The following CLEC17A variants were observed in gnomAD, a reference collection of about 807,000 sequenced individuals.
CLEC17A encodes C-type lectin domain family 17, member A.
CLEC17A carries 37 observed loss-of-function variants against 61.3 expected under a neutral mutation model. The ratio of observed to expected loss-of-function variants is 0.60; its 90% CI spans 0.46 to 0.79. The LOEUF (loss-of-function observed/expected upper bound fraction) is 0.79, where lower values mean the gene tolerates loss of function less well. CLEC17A is among the 30% of genes least tolerant of loss of function. The pLI is 0.00. For missense variants in CLEC17A, 418 were observed against 464.7 expected (o/e 0.90, Z 0.92); for synonymous variants, 168 against 164.9 (o/e 1.02, Z -0.14).
upstream of CLEC17A, chr19:14,582,970 T>G: frequency 1.7e-6 from 1 of 589,712 alleles, no homozygotes; most frequent in Non-Finnish European, 3.0e-6. Context: ...TGTGTATGTG[T>G]GTGTGTGTGT....
chr19:14,596,756 T>G, intron 8 of CLEC17A, 120 bp from the exon 9 acceptor site: 1 of 1,201,430 alleles, frequency 8.3e-7, no homozygotes, highest in Non-Finnish European at 1.1e-6. Flanking sequence ...TGACTTCATC[T>G]GCTGAAACAG....
intron 4 of CLEC17A, among the ~76,000 whole-genome samples, chr19:14,592,810 G>A (rs992300568): frequency 1.3e-5 from 2 of 151,980 alleles, no homozygotes; most frequent in African/African-American, 2.4e-5. Flanking sequence ...GATTGCAGGC[G>A]CCTGCTACCA....
chr19:14,583,181 C>T lies in CLEC17A; in HGVS notation c.21C>T (p.Ile7=). MHNLYS[I]TGYPDPPGTM... is the part of the protein sequence containing the mutation. ...TAGACATGCATAATCTGTATTCCATCACTGGGTACCCGGACCCACCAGGTA... is the reference window on the plus strand; with the variant it reads ...TAGACATGCATAATCTGTATTCCATTACTGGGTACCCGGACCCACCAGGTA... Residue 7 remains isoleucine, a synonymous_variant, in exon 1 of 14, where the codon ATC becomes ATT. Transcript: ENST00000417570. 1 of 1,613,994 alleles carries T rather than the reference C, an allele frequency of 6.2e-7. No individual in the cohort carries two copies. The highest frequency in any genetic ancestry group is 8.5e-7 in the Non-Finnish European group (1 of 1,179,888).
rs147479701 is a variant in CLEC17A at position 14,598,024 on chromosome 19, A to G, written c.646+863A>G. ...AATCTTTTGACCTGGGTTGGCCTTC[A>G]TCATGACTGCCAAAGTCTGAATATT... On this transcript the variant is annotated intron_variant, in intron 10 of 13. Coordinates refer to ENST00000417570, the MANE Select transcript of CLEC17A (RefSeq NM_001204118.2). Among the ~76,000 whole-genome samples, 230 of 152,338 alleles carry G rather than the reference A, an allele frequency of 1.5e-3. 4 individuals are homozygous for G. In the East Asian group the frequency reaches 0.037, roughly 24 times the overall value.
At chr19:14,601,020 A>G (rs951369758) in intron 12 of CLEC17A, among the ~76,000 whole-genome samples, 1 of 146,758 alleles carries the variant, frequency 6.8e-6, no homozygotes, top group Non-Finnish European at 1.5e-5. Flanking sequence ...CTAGTGCCTC[A>G]GTCTCCCGAG....
chr19:14,600,593 T>A (rs1474603475), intron 12 of CLEC17A, among the ~76,000 whole-genome samples: 1 of 151,986 alleles, frequency 6.6e-6, no homozygotes, highest in East Asian at 1.9e-4. Flanking sequence ...TTTTCTTTTT[T>A]TTTTTTGAGA....
Position 14,611,161 on chromosome 19 carries a change from C to T in CLEC17A, c.*965C>T, listed in dbSNP as rs1244494664. The T allele has an allele frequency of 6.6e-6, 1 of 151,990 alleles. No homozygotes were observed. The highest frequency in any genetic ancestry group is 1.5e-5 in the Non-Finnish European group (1 of 68,040). The allele number at this position is 151,990 out of a possible 1,614,324, so 9.4% of individuals were successfully genotyped here. On this transcript the variant is annotated 3_prime_UTR_variant, in exon 14 of 14. Coordinates refer to ENST00000417570, the MANE Select transcript of CLEC17A (RefSeq NM_001204118.2). ...TTACAAACCTAAAAATACAGAACAT[C>T]AGCGGAGAAGACAGGAGAGCTTCTA...
rs900874209 is a variant in CLEC17A, at chr19:14,599,719, A to G, written c.649A>G (p.Thr217Ala). 3 of 1,613,138 alleles carry G rather than the reference A, an allele frequency of 1.9e-6. No homozygotes were observed. Among genetic ancestry groups the G allele is most frequent in the Admixed American group, 1.7e-5 (1 of 59,978 alleles). Residue 217 changes from threonine (T) to alanine (A), a missense_variant and splice_region_variant, in exon 11 of 14, where the codon ACT (threonine) becomes GCT (alanine). Transcript: ENST00000417570. ...CTCAAGCCCATCCCTTCTGACAGTGACTGGCATGGCAGGGCTAGCTGGCCT... is the reference window on the plus strand; with the variant it reads ...CTCAAGCCCATCCCTTCTGACAGTGGCTGGCATGGCAGGGCTAGCTGGCCT... ...FQQMTWRTNMTGMAGLAGLKH... is the reference protein window; with the variant it reads ...FQQMTWRTNMAGMAGLAGLKH...
At chr19:14,597,605 G>C (rs1197941190) in intron 10 of CLEC17A, among the ~76,000 whole-genome samples, 1 of 152,110 alleles carries the variant, frequency 6.6e-6, no homozygotes, top group Non-Finnish European at 1.5e-5. Context: ...GTGGTGTGTG[G>C]TGTGTGCTTG....
intron 8 of CLEC17A, among the ~76,000 whole-genome samples, chr19:14,596,671 A>T (rs986680454): frequency 4.6e-5 from 7 of 152,076 alleles, no homozygotes; most frequent in Non-Finnish European, 8.8e-5. Flanking sequence ...ATGCAACATG[A>T]TGCTTAGCGC....
chr19:14,592,975 T>G (rs778097431), intron 4 of CLEC17A, among the ~76,000 whole-genome samples: 4 of 152,018 alleles, frequency 2.6e-5, no homozygotes, highest in Non-Finnish European at 5.9e-5. Flanking sequence ...CGAGCAGACA[T>G]TTCTTAAGTA....
intron 3 of CLEC17A, 92 bp from the exon 4 acceptor site, chr19:14,592,189 C>T: frequency 7.3e-7 from 1 of 1,361,726 alleles, no homozygotes; most frequent in Non-Finnish European, 1.0e-6. Flanking sequence ...GGTACAGAAT[C>T]CCCATCATGG....
intron 10 of CLEC17A, among the ~76,000 whole-genome samples, chr19:14,598,951 A>T (rs2074629139): frequency 6.8e-6 from 1 of 146,198 alleles, no homozygotes; most frequent in Non-Finnish European, 1.6e-5. Context: ...GACTGTGTCT[A>T]AAAAAAATAA....
chr19:14,597,965 G>A (rs2074589638), intron 10 of CLEC17A, among the ~76,000 whole-genome samples: 1 of 152,138 alleles, frequency 6.6e-6, no homozygotes. Context: ...AGTTCGTGGG[G>A]GAGTAGTGAT....
upstream of CLEC17A, chr19:14,582,963 G>GTC: frequency 1.9e-6 from 1 of 536,964 alleles, no homozygotes. Flanking sequence ...GGCTCTGTGT[G>GTC]TATGTGTGTG....
At chr19:14,587,786 C>T in intron 3 of CLEC17A, 95 bp downstream of exon 3, 1 of 1,569,766 alleles carries the variant, frequency 6.4e-7, no homozygotes, top group Non-Finnish European at 8.6e-7. Context: ...AGTCAGTCTC[C>T]TCTCTACACA....
Position 14,587,662 on chromosome 19 carries a change from C to T in CLEC17A, c.170C>T (p.Pro57Leu), listed in dbSNP as rs1349072069. 2 of 1,602,692 alleles carry T rather than the reference C, an allele frequency of 1.2e-6. No homozygotes were observed. The highest frequency in any genetic ancestry group is 1.7e-6 in the Non-Finnish European group (2 of 1,174,732). Residue 57 changes from proline to leucine, a missense_variant, in exon 3 of 14, where the codon CCT becomes CTT. Coordinates refer to ENST00000417570, the MANE Select transcript of CLEC17A (RefSeq NM_001204118.2). ...GATGATGACTATGAGAACTCAACACCTCCCTACAAGGACCTTCCTCCCAAG... is the reference window on the plus strand; with the variant it reads ...GATGATGACTATGAGAACTCAACACTTCCCTACAAGGACCTTCCTCCCAAG... ...EEDDDYENST[P>L]PYKDLPPKPG...
At chr19:14,592,440 C>T (rs2074443525) in intron 4 of CLEC17A, 82 bp downstream of exon 4, 3 of 1,581,542 alleles carry the variant, frequency 1.9e-6, no homozygotes, top group Admixed American at 3.7e-5. Context: ...ATTGTAGACA[C>T]ACAGTCAGTC....
intron 12 of CLEC17A, among the ~76,000 whole-genome samples, chr19:14,601,279 A>G (rs1201561874): frequency 6.6e-6 from 1 of 152,110 alleles, no homozygotes. Context: ...GAAATCATAC[A>G]TTGACTGTCA....
Sources: gnomAD v4.1 joint callset for allele counts (sites outside exome capture counted in the v4.1 genomes callset) on GRCh38, gnomAD v4.1.1 for gene constraint, MANE v1.5 for transcripts, NCBI Gene and HGNC (gene_info 2026-07-23, HGNC 2026-07-21) for gene names.